MGMT: variants seen among roughly 807,000 people sequenced by gnomAD.
MGMT encodes the protein O-6-methylguanine-DNA methyltransferase.
In MGMT, 14 loss-of-function variants were observed where a neutral mutation model predicts 15.9. The observed-to-expected ratio is 0.88, with a 90% CI of 0.58 to 1.37. MGMT has a LOEUF of 1.37. Among genes scored for constraint, MGMT ranks in the 40% most tolerant of loss-of-function variants. MGMT has a pLI of 0.00. For synonymous variants in MGMT, 130 were observed against 118.2 expected (o/e 1.10, Z -0.65); for missense variants, 282 against 268.1 (o/e 1.05, Z -0.36).
At chr10:129,618,428 G>T (rs1334623515) in intron 2 of MGMT, among the ~76,000 whole-genome samples, 1 of 151,958 alleles carries the variant, frequency 6.6e-6, no homozygotes, top group Non-Finnish European at 1.5e-5. Flanking sequence ...GTAAGTCTTG[G>T]TGTCTTGTAG....
At position 129,715,217 on chromosome 10, in the gene MGMT, A is replaced by G. The variant is rs57463318; in HGVS notation, c.274+7174A>G. 5.5e-3 allele frequency among the ~76,000 whole-genome samples: 837 copies of G among 152,270 alleles called. 10 individuals carry two copies. The highest frequency in any genetic ancestry group is 0.02 in the African/African-American group (817 of 41,534). On this transcript the variant is annotated intron_variant, in intron 3 of 4. Transcript: ENST00000651593. ...AATATTCACATTAAAATATAATTTA[A>G]CTCTGGTGAAGTAATTAAACAGTAA...
intron 2 of MGMT, among the ~76,000 whole-genome samples, chr10:129,573,244 A>G (rs936291384): frequency 6.6e-6 from 1 of 152,290 alleles, no homozygotes; most frequent in East Asian, 1.9e-4. Context: ...GATTTTGCCC[A>G]GGGAATTTTT....
At chr10:129,474,979 G>A (rs1057342179) in intron 1 of MGMT, among the ~76,000 whole-genome samples, 4 of 152,048 alleles carry the variant, frequency 2.6e-5, no homozygotes, top group Non-Finnish European at 5.9e-5. Context: ...TAGACTGAAT[G>A]AGGTGAAGAG....
At chr10:129,486,177 CTTTT>C (rs33985155) in intron 1 of MGMT, among the ~76,000 whole-genome samples, 18 of 113,280 alleles carry the variant, frequency 1.6e-4, no homozygotes, top group Admixed American at 1.9e-4. Flanking sequence ...CTTCTCTTCT[CTTTT>C]TTTTTTTTTT....
At chr10:129,631,992 C>T (rs1193632416) in intron 2 of MGMT, among the ~76,000 whole-genome samples, 1 of 152,190 alleles carries the variant, frequency 6.6e-6, no homozygotes, top group Non-Finnish European at 1.5e-5. Context: ...CCACCTTGGC[C>T]TCCTGAAGTG....
chr10:129,669,887 TTAAA>T (rs778997780), intron 2 of MGMT, among the ~76,000 whole-genome samples: 27 of 152,330 alleles, frequency 1.8e-4, no homozygotes, highest in Non-Finnish European at 3.4e-4. Context: ...GAATTTATTT[TTAAA>T]AAATATAAAG....
intron 2 of MGMT, among the ~76,000 whole-genome samples, chr10:129,615,776 A>T (rs1010529523): frequency 3.9e-5 from 6 of 152,104 alleles, no homozygotes; most frequent in Non-Finnish European, 7.4e-5. Flanking sequence ...GCATTAGAGG[A>T]TAGGATCCTT....
At chr10:129,546,441 AG>A (rs1846099164) in intron 2 of MGMT, among the ~76,000 whole-genome samples, 1 of 152,342 alleles carries the variant, frequency 6.6e-6, no homozygotes, top group Non-Finnish European at 1.5e-5. Flanking sequence ...AGAAGGAGGC[AG>A]TTAAGAGGCT....
At chr10:129,741,324 TAA>T (rs780225103) in intron 3 of MGMT, among the ~76,000 whole-genome samples, 2 of 152,154 alleles carry the variant, frequency 1.3e-5, no homozygotes, top group Non-Finnish European at 2.9e-5. Context: ...TAACTCTCCC[TAA>T]AAGGTTACAT....
At chr10:129,599,148 C>T (rs977412894) in intron 2 of MGMT, among the ~76,000 whole-genome samples, 3 of 152,210 alleles carry the variant, frequency 2.0e-5, no homozygotes, top group African/African-American at 4.8e-5. Flanking sequence ...AGAGACGAGG[C>T]ACAGAAACAG....
intron 2 of MGMT, among the ~76,000 whole-genome samples, chr10:129,561,061 C>T (rs1305539664): frequency 1.3e-5 from 2 of 151,766 alleles, no homozygotes; most frequent in African/African-American, 4.8e-5. Flanking sequence ...TGGTGCCGCC[C>T]TTCACGCCAT....
chr10:129,709,715 A>C (rs1461389217), intron 3 of MGMT, among the ~76,000 whole-genome samples: 5 of 152,202 alleles, frequency 3.3e-5, no homozygotes, highest in Non-Finnish European at 7.3e-5. Flanking sequence ...CATGAAAAAC[A>C]TAGGGGCAAA....
intron 2 of MGMT, among the ~76,000 whole-genome samples, chr10:129,654,850 C>T (rs1847506240): frequency 6.6e-6 from 1 of 152,162 alleles, no homozygotes; most frequent in Non-Finnish European, 1.5e-5. Flanking sequence ...AATGTGACGG[C>T]ACAAGCCACA....
At chr10:129,681,973 A>G (rs1847858228) in intron 2 of MGMT, among the ~76,000 whole-genome samples, 1 of 152,194 alleles carries the variant, frequency 6.6e-6, no homozygotes, top group South Asian at 2.1e-4. Flanking sequence ...GTAGGACCAT[A>G]AGCACAGGAA....
intron 2 of MGMT, among the ~76,000 whole-genome samples, chr10:129,589,860 C>T (rs892782776): frequency 1.3e-5 from 2 of 152,206 alleles, no homozygotes; most frequent in African/African-American, 4.8e-5. Flanking sequence ...TGGGAGCTGG[C>T]AGCCCATCCA....
At chr10:129,615,994 G>T (rs535747771) in intron 2 of MGMT, among the ~76,000 whole-genome samples, 70 of 152,294 alleles carry the variant, frequency 4.6e-4, no homozygotes, top group Middle Eastern at 6.8e-3. Context: ...GATGGGGGTG[G>T]GGTGGGTCTT....
intron 3 of MGMT, among the ~76,000 whole-genome samples, chr10:129,741,984 G>T (rs1848639032): frequency 6.6e-6 from 1 of 152,222 alleles, no homozygotes; most frequent in Non-Finnish European, 1.5e-5. Context: ...TTGCAAAGTG[G>T]TTGTCAGGGC....
At chr10:129,586,924 C>A (rs1259222199) in intron 2 of MGMT, among the ~76,000 whole-genome samples, 1 of 152,188 alleles carries the variant, frequency 6.6e-6, no homozygotes, top group East Asian at 1.9e-4. Context: ...AGCATTTCTT[C>A]TGTGGGGTCT....
chr10:129,591,493 G>A (rs1273545053), intron 2 of MGMT, among the ~76,000 whole-genome samples: 1 of 152,138 alleles, frequency 6.6e-6, no homozygotes, highest in Non-Finnish European at 1.5e-5. Context: ...CTGTAACAAC[G>A]CCAAGACCTC....
Sources: gnomAD v4.1 joint callset for allele counts (sites outside exome capture counted in the v4.1 genomes callset) on GRCh38, gnomAD v4.1.1 for gene constraint, MANE v1.5 for transcripts, NCBI Gene and HGNC (gene_info 2026-07-23, HGNC 2026-07-21) for gene names.